Variants in RHPN2 observed in about 807,000 individuals in gnomAD.
RHPN2 encodes rhophilin-2.
RHPN2 carries 40 observed loss-of-function variants against 79.0 expected under a neutral mutation model. The ratio of observed to expected loss-of-function variants is 0.51; its 90% CI spans 0.39 to 0.66. The LOEUF (loss-of-function observed/expected upper bound fraction) is 0.66. RHPN2 is among the 30% of genes least tolerant of loss of function. The probability of loss-of-function intolerance (pLI) is 0.00; values close to 1 mark genes in which losing one functional copy is unlikely to be tolerated. For missense variants in RHPN2, 686 were observed against 883.5 expected, an observed-to-expected ratio of 0.78 and a Z score of 2.83; for synonymous variants, 285 against 363.5, an observed-to-expected ratio of 0.78 and a Z score of 2.46.
At chr19:33,004,474 A>G (rs1971775003) in intron 7 of RHPN2, among the ~76,000 whole-genome samples, 1 of 152,158 alleles carries the variant, frequency 6.6e-6, no homozygotes, top group Non-Finnish European at 1.5e-5. Flanking sequence ...TGGCAGGATA[A>G]TTTTAAAATT....
At chr19:32,993,374 T>A (rs1971676688) in intron 12 of RHPN2, among the ~76,000 whole-genome samples, 1 of 152,014 alleles carries the variant, frequency 6.6e-6, no homozygotes, top group South Asian at 2.1e-4. Flanking sequence ...CTCGGGAGGC[T>A]GAAGCTGGAG....
intron 1 of RHPN2, among the ~76,000 whole-genome samples, chr19:33,054,110 A>G (rs1053462582): frequency 2.0e-5 from 3 of 149,308 alleles, no homozygotes; most frequent in African/African-American, 7.4e-5. Flanking sequence ...TGATCTGTCC[A>G]CCGTGGCCTC....
At chr19:33,038,317 T>A (rs1428037781) in intron 2 of RHPN2, among the ~76,000 whole-genome samples, 4 of 143,650 alleles carry the variant, frequency 2.8e-5, no homozygotes, top group African/African-American at 1.1e-4. Context: ...AAAAAAAAAA[T>A]TAGCCTACTA....
intron 14 of RHPN2, 32 bp from the exon 15 acceptor site, chr19:32,980,288 A>G: frequency 6.2e-7 from 1 of 1,613,826 alleles, no homozygotes; most frequent in Non-Finnish European, 8.5e-7. Flanking sequence ...AAAGGGCGTC[A>G]GGCATCATCA....
rs1466842818 is a variant in RHPN2, at chr19:32,980,108, T to C, written c.1949A>G (p.Gln650Arg). 3.1e-6 allele frequency: 5 copies of C among 1,613,996 alleles called. No individual in the cohort carries two copies. Among genetic ancestry groups the C allele is most frequent in the East Asian group, 2.2e-5 (1 of 44,888 alleles). ...GAGGCACAAGGTGCTGGCTGACTTC[T>C]GTCTGTTCTTGTTGGTGCCCCAACT... The part of the protein sequence containing the change: ...FLSWGTNKNR[Q>R]KSASTLCLPS... Residue 650 changes from glutamine (Q) to arginine (R), a missense_variant, in exon 15 of 15, where the codon CAG becomes CGG. Coordinates refer to ENST00000254260, the MANE Select transcript of RHPN2 (RefSeq NM_033103.5).
At chr19:33,024,290 G>C (rs111322421) in intron 3 of RHPN2, among the ~76,000 whole-genome samples, 46 of 152,014 alleles carry the variant, frequency 3.0e-4, no homozygotes, top group Non-Finnish European at 5.9e-4. Flanking sequence ...AAAATTAGCT[G>C]GGCATGGTGG....
intron 1 of RHPN2, among the ~76,000 whole-genome samples, chr19:33,053,567 G>A (rs146314491): frequency 3.2e-4 from 49 of 151,900 alleles, no homozygotes; most frequent in African/African-American, 1.1e-3. Flanking sequence ...GGGATTACAG[G>A]CGCACACCAC....
At chr19:33,009,532 C>T (rs1317300230) in intron 6 of RHPN2, among the ~76,000 whole-genome samples, 1 of 152,118 alleles carries the variant, frequency 6.6e-6, no homozygotes, top group Non-Finnish European at 1.5e-5. Flanking sequence ...CTCACTGCAG[C>T]CTCAACCTCC....
chr19:33,034,803 A>AG (rs1972043711), intron 2 of RHPN2, among the ~76,000 whole-genome samples: 5 of 148,610 alleles, frequency 3.4e-5, no homozygotes, highest in Non-Finnish European at 1.5e-5. Context: ...AAAAAAAAAA[A>AG]AGATTTACAA....
At chr19:33,028,482 G>A (rs1971985154) in intron 2 of RHPN2, among the ~76,000 whole-genome samples, 1 of 152,074 alleles carries the variant, frequency 6.6e-6, no homozygotes, top group Admixed American at 6.6e-5. Flanking sequence ...TACTAGCAAT[G>A]AACAATCTTA....
chr19:33,037,118 A>G (rs1015613136), intron 2 of RHPN2, among the ~76,000 whole-genome samples: 2 of 152,104 alleles, frequency 1.3e-5, no homozygotes, highest in Non-Finnish European at 2.9e-5. Context: ...GATTGTAAAT[A>G]CACCGATCGG....
In RHPN2 at chr19:33,021,651, G is replaced by A. The variant is rs1187135414; in HGVS notation, c.315-5C>T. 1 of 1,612,384 alleles carries A rather than the reference G, an allele frequency of 6.2e-7. No homozygotes were observed. The highest frequency in any genetic ancestry group is 8.5e-7 in the Non-Finnish European group (1 of 1,178,644). The stretch of plus-strand genomic sequence containing the variant: ...AGGGGAATCGTAAATGCCTCCCTAT[G>A]AGGAACACAACAAGGTATGTATGAA... On this transcript the variant is annotated splice_polypyrimidine_tract_variant and splice_region_variant and intron_variant, in intron 3 of 14. Coordinates refer to ENST00000254260, the MANE Select transcript of RHPN2 (RefSeq NM_033103.5).
intron 14 of RHPN2, among the ~76,000 whole-genome samples, chr19:32,987,371 T>C (rs1971619965): frequency 1.3e-5 from 2 of 152,208 alleles, no homozygotes. Context: ...TTTATATCCA[T>C]GGACTCAAAA....
intron 1 of RHPN2, among the ~76,000 whole-genome samples, chr19:33,044,995 G>T (rs974285268): frequency 6.6e-6 from 1 of 151,138 alleles, no homozygotes; most frequent in African/African-American, 2.4e-5. Flanking sequence ...CTCCAGGACA[G>T]AAAGGCACCC....
chr19:33,048,155 A>G (rs73585910), intron 1 of RHPN2, among the ~76,000 whole-genome samples: 28,882 of 151,582 alleles, frequency 0.19, 3,629 homozygotes, highest in South Asian at 0.36. Context: ...TCCTGGGTTC[A>G]AGTGATTATC....
intron 1 of RHPN2, among the ~76,000 whole-genome samples, chr19:33,052,819 G>A (rs915933715): frequency 6.6e-6 from 1 of 152,054 alleles, no homozygotes; most frequent in Admixed American, 6.6e-5. Context: ...CGCCTCCCCC[G>A]GGAATCCCAA....
chr19:33,034,201 G>T (rs188141224), intron 2 of RHPN2, among the ~76,000 whole-genome samples: 1 of 151,586 alleles, frequency 6.6e-6, no homozygotes. Context: ...GGCCAGGCGC[G>T]GTGGCTCACG....
At chr19:33,038,174 C>A (rs1372454996) in intron 2 of RHPN2, among the ~76,000 whole-genome samples, 1 of 151,930 alleles carries the variant, frequency 6.6e-6, no homozygotes, top group Non-Finnish European at 1.5e-5. Flanking sequence ...ACATGGTGAA[C>A]CCCCTCTCTA....
At chr19:32,992,882 C>T (rs1423911405) in intron 12 of RHPN2, among the ~76,000 whole-genome samples, 4 of 150,538 alleles carry the variant, frequency 2.7e-5, no homozygotes, top group Non-Finnish European at 5.9e-5. Flanking sequence ...AATCCCAGCA[C>T]TCTGGGACGC....
Sources: allele counts gnomAD v4.1 joint callset (sites outside exome capture counted in the v4.1 genomes callset), GRCh38; gene constraint gnomAD v4.1.1; transcripts MANE v1.5; gene names NCBI Gene and HGNC (gene_info 2026-07-23, HGNC 2026-07-21).